The following NOL9 variants were observed in gnomAD, a reference collection of about 807,000 sequenced individuals.
NOL9 encodes the protein polynucleotide 5'-hydroxyl-kinase NOL9.
In NOL9, 28 loss-of-function variants were observed where a neutral mutation model predicts 67.9. The ratio of observed to expected loss-of-function variants is 0.41; its 90% CI spans 0.31 to 0.57. The LOEUF (loss-of-function observed/expected upper bound fraction) is 0.57. Ranked by LOEUF, NOL9 falls within the 20% of genes least tolerant of loss-of-function variation. The probability of loss-of-function intolerance (pLI) is 0.25; values close to 1 mark genes in which losing one functional copy is unlikely to be tolerated. For synonymous variants in NOL9, 356 were observed against 352.2 expected, an observed-to-expected ratio of 1.01 and a Z score of -0.12; for missense variants, 777 against 897.0, an observed-to-expected ratio of 0.87 and a Z score of 1.71.
At chr1:6,528,927 T>C in intron 10 of NOL9, 67 bp downstream of exon 10, 1 of 1,486,384 alleles carries the variant, frequency 6.7e-7, no homozygotes, top group Non-Finnish European at 9.3e-7. Context: ...TCAAGACCAG[T>C]CATCTACAGT....
In NOL9 at chr1:6,554,386, G is replaced by T; in HGVS notation, c.117C>A (p.Ser39Arg). 1 of 1,484,258 alleles carries T rather than the reference G, an allele frequency of 6.7e-7. No individual in the cohort carries two copies. 91.9% of individuals were successfully genotyped at this position (1,484,258 alleles called of 1,614,324 possible). A position where few individuals can be genotyped will look rare whatever the true frequency, so the allele number is the denominator to read the frequency against. The change falls in exon 1 of 12, where the codon AGC (serine) becomes AGA (arginine). Residue 39 changes from serine to arginine, a missense_variant. By Grantham distance (110) the Ser-to-Arg change is moderately radical (BLOSUM62 -1). Around this residue, in one of 2 missense-constraint regions of NOL9, gnomAD observed 364 missense variants for 344.4 expected, o/e 1.06. Transcript: ENST00000377705. ...LSRRPRRRLG[S>R]LRWCGRRRLR... The stretch of plus-strand genomic sequence containing the variant: ...GGCGCCGCCGACCGCACCAGCGCAG[G>T]CTCCCGAGCCGGCGGCGGGGCCGGC...
intron 9 of NOL9, among the ~76,000 whole-genome samples, chr1:6,530,111 G>C (rs908021925): frequency 6.6e-6 from 1 of 152,024 alleles, no homozygotes; most frequent in Non-Finnish European, 1.5e-5. Flanking sequence ...AGGTGAAAGA[G>C]AGAGACTCTG....
intron 10 of NOL9, among the ~76,000 whole-genome samples, chr1:6,528,233 A>G (rs1198755032): frequency 1.3e-5 from 2 of 152,246 alleles, no homozygotes; most frequent in Non-Finnish European, 2.9e-5. Flanking sequence ...GCCCTGGTCC[A>G]GACCCTGGAT....
At chr1:6,529,207 C>T in intron 9 of NOL9, 36 bp from the exon 10 acceptor site, 1 of 1,584,430 alleles carries the variant, frequency 6.3e-7, no homozygotes, top group South Asian at 1.1e-5. Context: ...CTATTCATGG[C>T]TACTTTGAAA....
At chr1:6,544,369 A>AATAAAATAAAAT (rs1444296871) in intron 5 of NOL9, among the ~76,000 whole-genome samples, 2 of 150,786 alleles carry the variant, frequency 1.3e-5, no homozygotes, top group Non-Finnish European at 1.5e-5. Context: ...AAAAATAAAA[A>AATAAAATAAAAT]AATTAGCCAG....
intron 1 of NOL9, among the ~76,000 whole-genome samples, chr1:6,552,608 G>A (rs12031523): frequency 0.18 from 26,743 of 148,486 alleles, 2,806 homozygotes; most frequent in African/African-American, 0.3. Context: ...CAGGTGATCC[G>A]CCCACCTAGG....
At chr1:6,536,879 G>C (rs1639167843) in intron 6 of NOL9, among the ~76,000 whole-genome samples, 1 of 152,018 alleles carries the variant, frequency 6.6e-6, no homozygotes, top group Non-Finnish European at 1.5e-5. Context: ...GATCAGGCAT[G>C]GTGGCTCTGC....
At position 6,536,735 on chromosome 1, in the gene NOL9, T is replaced by C. The variant is rs146271160; in HGVS notation, c.1076-3294A>G. Among the ~76,000 whole-genome samples the C allele has an allele frequency of 1.1e-3, 165 of 152,244 alleles. 2 individuals are homozygous for C. The East Asian group carries it at 0.025, about 23-fold the overall frequency. The stretch of plus-strand genomic sequence containing the variant: ...TTCCCAGCTACCTGCAAGGCTAGCC[T>C]GAGCTCAGAAGGTGGAGGATGCAGT... On this transcript the variant is annotated intron_variant, in intron 6 of 11. Coordinates refer to ENST00000377705, the MANE Select transcript of NOL9 (RefSeq NM_024654.5).
rs1639041750 is a variant in NOL9, at chr1:6,532,073, T to C, written c.1542A>G (p.Ser514=). ...ACAGATCTCGAAGAATTTTGTTATG[T>C]GACTCTCTGAAAGGCAAATCACAAC... The part of the protein sequence containing the change: ...AFRITPRNRE[S]HNKILRDLSI... Residue 514 remains serine, a synonymous_variant, in exon 9 of 12, where the codon TCA becomes TCG. Coordinates refer to ENST00000377705, the MANE Select transcript of NOL9 (RefSeq NM_024654.5). The C allele has an allele frequency of 6.2e-7, 1 of 1,613,586 alleles. No individual in the cohort carries two copies. Among genetic ancestry groups the C allele is most frequent in the African/African-American group, 1.3e-5 (1 of 75,052 alleles).
intron 3 of NOL9, among the ~76,000 whole-genome samples, chr1:6,546,197 CAAGA>C (rs1482589050): frequency 1.3e-5 from 2 of 152,034 alleles, no homozygotes; most frequent in African/African-American, 2.4e-5. Flanking sequence ...GGGAAGTATC[CAAGA>C]AAGAGCATAA....
At chr1:6,542,706 C>G (rs991584924) in intron 5 of NOL9, among the ~76,000 whole-genome samples, 3 of 152,136 alleles carry the variant, frequency 2.0e-5, no homozygotes, top group African/African-American at 7.2e-5. Flanking sequence ...ATCCGCCTGC[C>G]TCAGCCTCCC....
intron 7 of NOL9, 114 bp from the exon 8 acceptor site, chr1:6,532,874 T>C (rs1639064379): frequency 9.3e-7 from 1 of 1,070,072 alleles, no homozygotes; most frequent in Admixed American, 2.8e-5. Context: ...AAAGAAACCA[T>C]CAATACGTTG....
rs1450839782 is a variant in NOL9, at chr1:6,522,882, T to TAAAAAAA, written c.*2971_*2972insTTTTTTT. The stretch of plus-strand genomic sequence containing the variant: ...CTGGGCGACAGAGCTAGACTCTGTC[T>TAAAAAAA]CAAAAAAAAAAAAAAAAAAGAAATT... On this transcript the variant is annotated 3_prime_UTR_variant, in exon 12 of 12. Transcript: ENST00000377705. 1.3e-4 allele frequency: 1 copy of TAAAAAAA among 7,466 alleles called. No homozygotes were observed. The allele number at this position is 7,466 out of a possible 1,614,324, so 0.5% of individuals were successfully genotyped here. A position where few individuals can be genotyped will look rare whatever the true frequency, so the allele number is the denominator to read the frequency against.
At chr1:6,545,272 A>G (rs1180497396) in intron 3 of NOL9, 92 bp from the exon 4 acceptor site, 7 of 1,313,920 alleles carry the variant, frequency 5.3e-6, no homozygotes, top group African/African-American at 1.5e-5. Flanking sequence ...TGTGAGCCAG[A>G]GAAGATAAAT....
At chr1:6,550,350 C>G in intron 2 of NOL9, 46 bp downstream of exon 2, 1 of 1,540,894 alleles carries the variant, frequency 6.5e-7, no homozygotes, top group Non-Finnish European at 9.0e-7. Flanking sequence ...ATGAATTAGC[C>G]TTATTACAGT....
chr1:6,547,258 T>A (rs1008559379), intron 3 of NOL9, among the ~76,000 whole-genome samples: 3 of 152,158 alleles, frequency 2.0e-5, no homozygotes, highest in Non-Finnish European at 2.9e-5. Flanking sequence ...CAGGCCCACA[T>A]ATTCAACTGC....
At chr1:6,531,679 C>T (rs1005626576) in intron 9 of NOL9, among the ~76,000 whole-genome samples, 4 of 152,146 alleles carry the variant, frequency 2.6e-5, no homozygotes, top group African/African-American at 7.2e-5. Flanking sequence ...AAACCCAGCA[C>T]GGACCCACAC....
chr1:6,528,554 G>A (rs1297856274), intron 10 of NOL9, among the ~76,000 whole-genome samples: 2 of 152,230 alleles, frequency 1.3e-5, no homozygotes, highest in African/African-American at 4.8e-5. Flanking sequence ...GGGGCAAGGA[G>A]GAGAGGGTGA....
At chr1:6,546,038 G>A (rs1182715345) in intron 3 of NOL9, among the ~76,000 whole-genome samples, 2 of 150,922 alleles carry the variant, frequency 1.3e-5, no homozygotes, top group East Asian at 4.0e-4. Context: ...AAAGTCTGTT[G>A]AACCAACCAT....
Sources: allele counts gnomAD v4.1 joint callset (sites outside exome capture counted in the v4.1 genomes callset), GRCh38; gene constraint gnomAD v4.1.1; regional missense constraint gnomAD v4.1.1; transcripts MANE v1.5; gene names NCBI Gene and HGNC (gene_info 2026-07-23, HGNC 2026-07-21).